The following RABL6 variants were observed in gnomAD, a reference collection of about 807,000 sequenced individuals.
The protein encoded by RABL6 is rab-like protein 6.
Under a neutral mutation model 72.9 loss-of-function variants are expected in RABL6, and 28 were observed. The observed-to-expected ratio is 0.38, with a 90% confidence interval of 0.28 to 0.53. The LOEUF (loss-of-function observed/expected upper bound fraction) is 0.53. Among genes scored for constraint, RABL6 ranks in the 20% least tolerant of loss-of-function variants. RABL6 has a pLI of 0.80. For missense variants in RABL6, 1,029 were observed against 1,008.4 expected (o/e 1.02, Z -0.28); for synonymous variants, 477 against 421.2 (o/e 1.13, Z -1.62).
At chr9:136,835,466 C>T (rs1848568627) in intron 7 of RABL6, 2 of 388,948 alleles carry the variant, frequency 5.1e-6, no homozygotes, top group Non-Finnish European at 9.3e-6. Flanking sequence ...GGTGGGGGTG[C>T]TTGCTGTTGA....
intron 2 of RABL6, among the ~76,000 whole-genome samples, chr9:136,823,884 G>C (rs1848295192): frequency 6.6e-6 from 1 of 152,262 alleles, no homozygotes; most frequent in African/African-American, 2.4e-5. Flanking sequence ...GGGAGGCTCA[G>C]CTTGGGGCAG....
intron 1 of RABL6, among the ~76,000 whole-genome samples, chr9:136,816,367 A>C (rs1227473830): frequency 6.6e-6 from 1 of 151,920 alleles, no homozygotes; most frequent in African/African-American, 2.4e-5. Context: ...GGCCTCCCAA[A>C]GTGCTGGCAT....
intron 1 of RABL6, chr9:136,808,903 A>G (rs1847938343): frequency 6.6e-6 from 1 of 152,314 alleles, no homozygotes; most frequent in Middle Eastern, 3.4e-3. Context: ...GCACGGGCTG[A>G]CTTGCGACTG....
intron 7 of RABL6, chr9:136,835,535 G>A (rs1030858566): frequency 5.5e-5 from 30 of 545,610 alleles, no homozygotes; most frequent in East Asian, 4.8e-4. Context: ...TGTAGGTGTC[G>A]TGCCGGCCAC....
At chr9:136,833,795 TG>T (rs1848531233) in intron 7 of RABL6, 2 of 1,550,432 alleles carry the variant, frequency 1.3e-6, no homozygotes, top group Non-Finnish European at 1.7e-6. Context: ...GCCTGCAGGC[TG>T]GGACTGCTGC....
intron 1 of RABL6, among the ~76,000 whole-genome samples, chr9:136,811,803 C>G (rs1481138888): frequency 6.6e-6 from 1 of 152,032 alleles, no homozygotes; most frequent in African/African-American, 2.4e-5. Context: ...GATTATGTTT[C>G]TTATCAGACT....
chr9:136,821,491 C>G, intron 1 of RABL6: 1 of 985,362 alleles, frequency 1.0e-6, no homozygotes, highest in Non-Finnish European at 1.2e-6. Flanking sequence ...GCCGTTCTCT[C>G]GCGGGCCCAG....
At chr9:136,837,765 C>T (rs1848610694) in intron 9 of RABL6, 97 bp from the exon 10 acceptor site, 1 of 1,542,162 alleles carries the variant, frequency 6.5e-7, no homozygotes, top group Non-Finnish European at 8.8e-7. Context: ...CTGCTTGTCC[C>T]AGTCCCGTGG....
chr9:136,825,964 C>T, intron 3 of RABL6, 138 bp downstream of exon 3: 1 of 1,030,124 alleles, frequency 9.7e-7, no homozygotes, highest in East Asian at 2.4e-5. Flanking sequence ...TGCTCTGCTC[C>T]CCTCCACATC....
At chr9:136,821,585 G>A in intron 1 of RABL6, 32 of 986,408 alleles carry the variant, frequency 3.2e-5, no homozygotes, top group Non-Finnish European at 3.9e-5. Context: ...GCCCGACTGA[G>A]CCCAGAGCTG....
intron 1 of RABL6, among the ~76,000 whole-genome samples, chr9:136,810,228 T>C (rs1847978942): frequency 6.6e-6 from 1 of 152,172 alleles, no homozygotes; most frequent in Admixed American, 6.5e-5. Context: ...CTGTTCACCT[T>C]CTGAAAAGGC....
intron 13 of RABL6, 54 bp downstream of exon 13, chr9:136,839,919 G>A: frequency 2.5e-6 from 4 of 1,571,030 alleles, no homozygotes; most frequent in East Asian, 4.7e-5. Flanking sequence ...GTAGAACGTG[G>A]GCCTCCTCCC....
rs774196140 is a variant in RABL6 at position 136,808,297 on chromosome 9, G to A, written c.101G>A (p.Arg34Lys). 2 of 1,560,912 alleles carry A rather than the reference G, an allele frequency of 1.3e-6. No homozygotes were observed. Among genetic ancestry groups the A allele is most frequent in the Non-Finnish European group, 1.7e-6 (2 of 1,155,348 alleles). ...GLQSMNQALQ[R>K]RFAKGVQYNM... ...CAGTCCATGAACCAGGCGTTGCAGAGGCGCTTCGCCAAGGGGGTGCAGTAC... is the reference window on the plus strand; with the variant it reads ...CAGTCCATGAACCAGGCGTTGCAGAAGCGCTTCGCCAAGGGGGTGCAGTAC... The change falls in exon 1 of 15, where the codon AGG becomes AAG. Residue 34 changes from arginine (R) to lysine (K), a missense_variant. Physicochemically the swap from Arg to Lys is conservative, Grantham distance 26. This residue lies in a region of RABL6 where 434 missense variants were observed against 536.1 expected (regional missense o/e 0.81). Transcript: ENST00000311502.
intron 1 of RABL6, chr9:136,821,792 C>A: frequency 8.5e-7 from 1 of 1,173,642 alleles, no homozygotes; most frequent in East Asian, 7.3e-5. Flanking sequence ...TCTCCAAGTT[C>A]TCCGCGGGAG....
intron 13 of RABL6, 132 bp from the exon 14 acceptor site, chr9:136,840,022 G>C (rs1292916251): frequency 1.3e-5 from 19 of 1,478,414 alleles, no homozygotes; most frequent in Non-Finnish European, 1.7e-5. Flanking sequence ...TTTGCAGTGT[G>C]GTCCTGTCCA....
chr9:136,831,926 T>G lies in RABL6; in HGVS notation c.599+65T>G, dbSNP rs370994500. 9.4e-5 allele frequency: 144 copies of G among 1,531,616 alleles called. No homozygotes were observed. In the African/African-American group the frequency reaches 1.7e-3, roughly 18 times the overall value. 94.9% of individuals were successfully genotyped at this position (1,531,616 alleles called of 1,614,324 possible). A position where few individuals can be genotyped will look rare whatever the true frequency, so the allele number is the denominator to read the frequency against. ...TGCTCCGGTGTGCGGGGGAGGGTGC[T>G]GAGGCAGAGGCCCAGGGAGGGGTTA... On this transcript the variant is annotated intron_variant, in intron 6 of 14. Coordinates refer to ENST00000311502, the MANE Select transcript of RABL6 (RefSeq NM_024718.5).
At chr9:136,827,805 C>T (rs1848390680) in intron 3 of RABL6, 1 of 152,282 alleles carries the variant, frequency 6.6e-6, no homozygotes, top group Admixed American at 6.5e-5. Context: ...TGTCCCAGTC[C>T]GTGACTCCAA....
chr9:136,830,775 C>T (rs2811749), intron 5 of RABL6, among the ~76,000 whole-genome samples: 116,316 of 152,246 alleles, frequency 0.76, 44,511 homozygotes, highest in East Asian at 0.82. Context: ...CCTGAGAAGA[C>T]GCGGCAAAGG....
intron 2 of RABL6, 136 bp downstream of exon 2, chr9:136,823,795 G>T: frequency 8.4e-7 from 1 of 1,185,268 alleles, no homozygotes; most frequent in Non-Finnish European, 1.1e-6. Flanking sequence ...TGACGTGGGG[G>T]CCCTGGCGTG....
Sources: gnomAD v4.1 joint callset for allele counts (sites outside exome capture counted in the v4.1 genomes callset) on GRCh38, gnomAD v4.1.1 for gene constraint, gnomAD v4.1.1 regional missense constraint, MANE v1.5 for transcripts, NCBI Gene and HGNC (gene_info 2026-07-23, HGNC 2026-07-21) for gene names.